Variants in THSD4 observed in about 807,000 individuals in gnomAD.
The protein encoded by THSD4 is thrombospondin type-1 domain-containing protein 4.
In THSD4, 69 loss-of-function variants were observed where a neutral mutation model predicts 119.0. The observed-to-expected ratio is 0.58, with a 90% confidence interval of 0.48 to 0.71. The LOEUF (loss-of-function observed/expected upper bound fraction) is 0.71, where lower values mean the gene tolerates loss of function less well. THSD4 is among the 30% of genes least tolerant of loss of function. The pLI is 0.00. For synonymous variants in THSD4, 524 were observed against 540.4 expected, an observed-to-expected ratio of 0.97 and a Z score of 0.42; for missense variants, 1,393 against 1,391.1, an observed-to-expected ratio of 1.00 and a Z score of -0.02.
At chr15:71,437,456 G>A (rs1350471525) in intron 7 of THSD4, among the ~76,000 whole-genome samples, 2 of 152,228 alleles carry the variant, frequency 1.3e-5, no homozygotes, top group Non-Finnish European at 2.9e-5. Context: ...AAAACTCAAG[G>A]AAAGGACCAG....
intron 7 of THSD4, among the ~76,000 whole-genome samples, chr15:71,558,778 TA>T (rs1387195767): frequency 6.6e-6 from 1 of 152,220 alleles, no homozygotes; most frequent in African/African-American, 2.4e-5. Context: ...GCCTCAGTTT[TA>T]AATATTTTTA....
In THSD4 at chr15:71,646,010, C is replaced by G. The variant is rs528193345; in HGVS notation, c.1153-14520C>G. ...CATCTGCTATTCACTACCATATTCC[C>G]TGTTTCAATCACTCCATTAATCTCC... On this transcript the variant is annotated intron_variant, in intron 7 of 17. Coordinates refer to ENST00000261862, the MANE Select transcript of THSD4 (RefSeq NM_024817.3). Among the ~76,000 whole-genome samples, 54 of 152,288 alleles carry G rather than the reference C, an allele frequency of 3.5e-4. 1 individual carries two copies. The highest frequency in any genetic ancestry group is 2.7e-3 in the Admixed American group (41 of 15,296).
intron 7 of THSD4, among the ~76,000 whole-genome samples, chr15:71,607,999 G>A (rs34990398): frequency 0.16 from 24,534 of 151,958 alleles, 1,980 homozygotes; most frequent in Non-Finnish European, 0.18. Flanking sequence ...CAAGGCGGGC[G>A]GATCACGAGG....
At chr15:71,202,377 T>G (rs1437145707) in intron 3 of THSD4, among the ~76,000 whole-genome samples, 1 of 152,090 alleles carries the variant, frequency 6.6e-6, no homozygotes, top group East Asian at 1.9e-4. Flanking sequence ...ACTCTAGCAC[T>G]TTTGGGTAGT....
chr15:71,449,459 C>T (rs1162269274), intron 7 of THSD4, among the ~76,000 whole-genome samples: 2 of 152,146 alleles, frequency 1.3e-5, no homozygotes, highest in African/African-American at 4.8e-5. Context: ...GGTTAATTAA[C>T]CTCTCTGCGC....
chr15:71,140,411 C>T (rs559080492), intron 1 of THSD4, among the ~76,000 whole-genome samples: 2 of 152,212 alleles, frequency 1.3e-5, no homozygotes, highest in South Asian at 4.2e-4. Context: ...CTCACCCTAA[C>T]TAATAGAGTG....
chr15:71,610,857 G>T (rs2050210324), intron 7 of THSD4, among the ~76,000 whole-genome samples: 1 of 152,148 alleles, frequency 6.6e-6, no homozygotes, highest in African/African-American at 2.4e-5. Context: ...TCATGGGATG[G>T]GGAGTCTAGA....
At chr15:71,749,864 G>A (rs977888345) in intron 14 of THSD4, among the ~76,000 whole-genome samples, 5 of 151,676 alleles carry the variant, frequency 3.3e-5, no homozygotes, top group East Asian at 1.9e-4. Context: ...TCCCGCCAAC[G>A]TAGGTGGGAC....
intron 17 of THSD4, among the ~76,000 whole-genome samples, chr15:71,776,812 C>T (rs1003158149): frequency 1.3e-5 from 2 of 152,142 alleles, no homozygotes; most frequent in African/African-American, 2.4e-5. Flanking sequence ...ATGAATGAAT[C>T]GCACAAATTC....
At chr15:71,552,056 G>C (rs972600365) in intron 7 of THSD4, among the ~76,000 whole-genome samples, 4 of 69,030 alleles carry the variant, frequency 5.8e-5, no homozygotes, top group African/African-American at 9.4e-5. Context: ...TGGGAAAAGA[G>C]GGGGAGCATT....
chr15:71,632,588 T>C (rs1165034690), intron 7 of THSD4, among the ~76,000 whole-genome samples: 1 of 152,258 alleles, frequency 6.6e-6, no homozygotes, highest in Admixed American at 6.5e-5. Context: ...AATGTCTGTA[T>C]GTTTTCAAGT....
chr15:71,441,656 G>A (rs966046047), intron 7 of THSD4, among the ~76,000 whole-genome samples: 1 of 151,932 alleles, frequency 6.6e-6, no homozygotes, highest in Non-Finnish European at 1.5e-5. Context: ...GCCTCACAAA[G>A]TGCTGGCATT....
intron 3 of THSD4, among the ~76,000 whole-genome samples, chr15:71,199,442 T>TGTGTGTGTGTGGGGGGGG (rs2043748212): frequency 6.9e-6 from 1 of 145,376 alleles, no homozygotes; most frequent in Non-Finnish European, 1.5e-5. Flanking sequence ...CAGATAACTG[T>TGTGTGTGTGTGGGGGGGG]GTGTGTGTGT....
chr15:71,521,786 G>A (rs1457770538), intron 7 of THSD4, among the ~76,000 whole-genome samples: 4 of 152,146 alleles, frequency 2.6e-5, no homozygotes, highest in East Asian at 1.9e-4. Flanking sequence ...AAAAAGTTAC[G>A]AGTAATAGAC....
intron 7 of THSD4, among the ~76,000 whole-genome samples, chr15:71,513,497 T>C (rs951960530): frequency 1.3e-5 from 2 of 152,218 alleles, no homozygotes. Flanking sequence ...AATAATTACA[T>C]GAAGGTGGTC....
chr15:71,687,679 C>T (rs1008198634), intron 8 of THSD4, among the ~76,000 whole-genome samples: 62 of 150,386 alleles, frequency 4.1e-4, no homozygotes, highest in African/African-American at 1.4e-3. Flanking sequence ...TGCTTGAACC[C>T]GGGAGACGGA....
chr15:71,271,770 T>C (rs1359132952), intron 6 of THSD4, among the ~76,000 whole-genome samples: 1 of 152,218 alleles, frequency 6.6e-6, no homozygotes, highest in Non-Finnish European at 1.5e-5. Flanking sequence ...TTGTGAACTA[T>C]TCTAAGGCTT....
chr15:71,717,323 A>T (rs2052628901), intron 8 of THSD4, among the ~76,000 whole-genome samples: 1 of 152,252 alleles, frequency 6.6e-6, no homozygotes, highest in African/African-American at 2.4e-5. Flanking sequence ...GCAGTTATCT[A>T]GATGGACATT....
chr15:71,273,728 C>T (rs1167113697), intron 6 of THSD4, among the ~76,000 whole-genome samples: 1 of 152,122 alleles, frequency 6.6e-6, no homozygotes, highest in Non-Finnish European at 1.5e-5. Flanking sequence ...CTTTGCTGGG[C>T]GTAGGAATCC....
Sources: gnomAD v4.1 joint callset for allele counts (sites outside exome capture counted in the v4.1 genomes callset) on GRCh38, gnomAD v4.1.1 for gene constraint, MANE v1.5 for transcripts, NCBI Gene and HGNC (gene_info 2026-07-23, HGNC 2026-07-21) for gene names.